AKAP13: variants seen among roughly 807,000 people sequenced by gnomAD.
The protein encoded by AKAP13 is A-kinase anchoring protein 13, also known as A-kinase anchor protein 13.
A neutral mutation model predicts 264.5 loss-of-function variants in AKAP13; 80 were observed. The observed-to-expected ratio is 0.30, with a 90% confidence interval of 0.25 to 0.36. The LOEUF (loss-of-function observed/expected upper bound fraction) is 0.36. Among genes scored for constraint, AKAP13 ranks in the 10% least tolerant of loss-of-function variants. AKAP13 has a pLI of 1.00. For synonymous variants in AKAP13, 1,380 were observed against 1,250.2 expected (o/e 1.10, Z -2.19); for missense variants, 3,712 against 3,435.2 (o/e 1.08, Z -2.01).
At chr15:85,392,003 T>C (rs991428727) in intron 1 of AKAP13, among the ~76,000 whole-genome samples, 5 of 151,742 alleles carry the variant, frequency 3.3e-5, no homozygotes, top group African/African-American at 1.2e-4. Flanking sequence ...CAGGCTGTTC[T>C]TGAACTCCTG....
chr15:85,682,004 T>A (rs2084628522), intron 14 of AKAP13, among the ~76,000 whole-genome samples, 154 bp from the exon 15 acceptor site: 1 of 152,224 alleles, frequency 6.6e-6, no homozygotes, highest in Non-Finnish European at 1.5e-5. Context: ...GTTTAATTTT[T>A]CCTTCTTTCA....
chr15:85,400,226 A>T (rs376935830), intron 1 of AKAP13, among the ~76,000 whole-genome samples: 1 of 152,296 alleles, frequency 6.6e-6, no homozygotes, highest in South Asian at 2.1e-4. Flanking sequence ...TGGGCAACAT[A>T]GTGAGAGCCT....
chr15:85,690,970 A>G (rs2085250665), intron 16 of AKAP13, among the ~76,000 whole-genome samples: 1 of 152,344 alleles, frequency 6.6e-6, no homozygotes, highest in South Asian at 2.1e-4. Flanking sequence ...ATTGCTTACT[A>G]CAGTGCTTAG....
At chr15:85,690,418 T>TC (rs2085214514) in intron 16 of AKAP13, among the ~76,000 whole-genome samples, 4 of 152,238 alleles carry the variant, frequency 2.6e-5, no homozygotes, top group Admixed American at 2.6e-4. Flanking sequence ...AGAAATTATT[T>TC]GAAAAAACCC....
rs1297496292 is a variant in AKAP13 at position 85,580,179 on chromosome 15, C to T, written c.2111C>T (p.Pro704Leu). The T allele has an allele frequency of 5.0e-6, 8 of 1,614,096 alleles. No individual in the cohort carries two copies. In the East Asian group the frequency reaches 1.8e-4, roughly 36 times the overall value. Reference sequence around the variant, plus strand: ...AGGCAACCCAGCTCACAAGATCCACCCGATGCCTCCCACTGTGAAGACCCA... The same window carrying T: ...AGGCAACCCAGCTCACAAGATCCACTCGATGCCTCCCACTGTGAAGACCCA... ...TARQPSSQDP[P>L]DASHCEDPQA... The change falls in exon 7 of 37, where the codon CCC (proline) becomes CTC (leucine). Residue 704 changes from proline to leucine, a missense_variant. Physicochemically the swap from Pro to Leu is moderately conservative, Grantham distance 98. Around this residue, in one of 3 missense-constraint regions of AKAP13, gnomAD observed 2,759 missense variants for 2,411.7 expected, o/e 1.14. Transcript: ENST00000394518.
At chr15:85,542,340 A>G (rs1401888866) in intron 4 of AKAP13, among the ~76,000 whole-genome samples, 1 of 152,200 alleles carries the variant, frequency 6.6e-6, no homozygotes, top group Non-Finnish European at 1.5e-5. Context: ...AAAATATACA[A>G]TATGAAAAAT....
chr15:85,396,021 TACACACAC>T (rs57665297), intron 1 of AKAP13, among the ~76,000 whole-genome samples: 4 of 150,454 alleles, frequency 2.7e-5, no homozygotes, highest in Admixed American at 2.0e-4. Context: ...TATACATACA[TACACACAC>T]ACACACACAC....
In AKAP13 at chr15:85,748,665, G is replaced by A. The variant is rs1446584356; in HGVS notation, c.*3988G>A. On this transcript the variant is annotated 3_prime_UTR_variant, in exon 37 of 37. Transcript: ENST00000394518. Reference sequence around the variant, plus strand: ...TAAAAGGGAGGCGGGGGGGAGGAAGGGAAAATAAAGGCATCTTTCCAAGTA... The same window carrying A: ...TAAAAGGGAGGCGGGGGGGAGGAAGAGAAAATAAAGGCATCTTTCCAAGTA... The A allele has an allele frequency of 3.3e-5, 5 of 152,178 alleles. No homozygotes were observed. The highest frequency in any genetic ancestry group is 7.3e-5 in the Non-Finnish European group (5 of 68,030). The allele number at this position is 152,178 out of a possible 1,614,324, so 9.4% of individuals were successfully genotyped here. A position where few individuals can be genotyped will look rare whatever the true frequency, so the allele number is the denominator to read the frequency against.
intron 16 of AKAP13, 185 bp downstream of exon 16, chr15:85,685,058 G>C (rs2084816001): frequency 1.4e-6 from 1 of 692,486 alleles, no homozygotes; most frequent in Non-Finnish European, 2.3e-6. Flanking sequence ...GGAACTACCA[G>C]TTACTGAGTT....
In AKAP13 at chr15:85,669,710, T is replaced by C. The variant is rs372631766; in HGVS notation, c.4993-12T>C. The C allele has an allele frequency of 6.0e-5, 95 of 1,586,616 alleles. No homozygotes were observed. In the African/African-American group the frequency reaches 1.0e-3, roughly 17 times the overall value. On this transcript the variant is annotated splice_polypyrimidine_tract_variant and intron_variant, in intron 13 of 36. Coordinates refer to ENST00000394518, the MANE Select transcript of AKAP13 (RefSeq NM_007200.5). ...ATGCTTACAACGTGTTCTTCACTTT[T>C]TTACTTCACAGATATGTCACAGATC... is the stretch of plus-strand genomic sequence containing the variant.
In AKAP13 at chr15:85,722,096, C is replaced by T. The variant is rs2087325291; in HGVS notation, c.6358C>T (p.Arg2120Cys). The T allele has an allele frequency of 2.5e-6, 4 of 1,613,942 alleles. No individual in the cohort carries two copies. Among genetic ancestry groups the T allele is most frequent in the South Asian group, 2.2e-5 (2 of 91,074 alleles). Residue 2120 changes from arginine (R) to cysteine (C), a missense_variant, in exon 24 of 37, where the codon CGT (arginine) becomes TGT (cysteine). Physicochemically the swap from Arg to Cys is radical, Grantham distance 180. Around this residue, in one of 3 missense-constraint regions of AKAP13, gnomAD observed 342 missense variants for 484.3 expected, o/e 0.71. Coordinates refer to ENST00000394518, the MANE Select transcript of AKAP13 (RefSeq NM_007200.5). ...CAAAGACCTTTATGCCAAGGATAAG[C>T]GTTTTCAAGCCTTTGTAAAGGTATT... ...YFKDLYAKDKRFQAFVKKKMS... is the reference protein window; with the variant it reads ...YFKDLYAKDKCFQAFVKKKMS...
At chr15:85,650,225 A>G (rs1329089856) in intron 10 of AKAP13, among the ~76,000 whole-genome samples, 1 of 152,150 alleles carries the variant, frequency 6.6e-6, no homozygotes, top group Non-Finnish European at 1.5e-5. Context: ...AGTCCAGGAG[A>G]TTGACACCAG....
chr15:85,439,979 A>G (rs2073560301), intron 1 of AKAP13, among the ~76,000 whole-genome samples: 1 of 151,278 alleles, frequency 6.6e-6, no homozygotes, highest in Non-Finnish European at 1.5e-5. Flanking sequence ...ATAAAAAATA[A>G]TAATAATAAT....
intron 5 of AKAP13, among the ~76,000 whole-genome samples, chr15:85,565,528 C>T (rs959252736): frequency 6.6e-6 from 1 of 152,188 alleles, no homozygotes; most frequent in African/African-American, 2.4e-5. Flanking sequence ...ATGGCAGAAA[C>T]ACAAGGCTGA....
chr15:85,510,095 T>C (rs1399828211), intron 2 of AKAP13, among the ~76,000 whole-genome samples: 1 of 152,194 alleles, frequency 6.6e-6, no homozygotes, highest in South Asian at 2.1e-4. Flanking sequence ...TCCTTGCTTC[T>C]CTTACTATGC....
intron 1 of AKAP13, among the ~76,000 whole-genome samples, chr15:85,424,097 G>A (rs2072653047): frequency 6.6e-6 from 1 of 152,168 alleles, no homozygotes; most frequent in Non-Finnish European, 1.5e-5. Flanking sequence ...TTTTTAGAAT[G>A]GTAAGTGAGC....
chr15:85,500,167 A>T (rs2170736), intron 2 of AKAP13, among the ~76,000 whole-genome samples: 1 of 151,866 alleles, frequency 6.6e-6, no homozygotes, highest in Non-Finnish European at 1.5e-5. Flanking sequence ...ATCTGGGACA[A>T]TGTGTCACTT....
chr15:85,676,631 T>C (rs1406649178), intron 14 of AKAP13, among the ~76,000 whole-genome samples: 2 of 152,058 alleles, frequency 1.3e-5, no homozygotes, highest in African/African-American at 2.4e-5. Context: ...AATTAGGAGA[T>C]TTGGGGTGAG....
At chr15:85,523,908 G>A (rs2076924990) in intron 3 of AKAP13, among the ~76,000 whole-genome samples, 1 of 151,050 alleles carries the variant, frequency 6.6e-6, no homozygotes, top group Admixed American at 6.6e-5. Flanking sequence ...TTGTGTACCA[G>A]TTAGCTGCAT....
Sources: allele counts gnomAD v4.1 joint callset (sites outside exome capture counted in the v4.1 genomes callset), GRCh38; gene constraint gnomAD v4.1.1; regional missense constraint gnomAD v4.1.1; transcripts MANE v1.5; gene names NCBI Gene and HGNC (gene_info 2026-07-23, HGNC 2026-07-21).